The following HS6ST3 variants were observed in gnomAD, a reference collection of about 807,000 sequenced individuals.
HS6ST3 encodes the protein heparan-sulfate 6-O-sulfotransferase 3.
Under a neutral mutation model 36.7 loss-of-function variants are expected in HS6ST3, and 12 were observed. The ratio of observed to expected loss-of-function variants is 0.33; its 90% CI spans 0.21 to 0.53. The LOEUF is 0.53. Ranked by LOEUF, HS6ST3 falls within the 20% of genes least tolerant of loss-of-function variation. The pLI, the probability that HS6ST3 is intolerant of heterozygous loss-of-function variation, is 0.95. For missense variants in HS6ST3, 584 were observed against 640.9 expected, an observed-to-expected ratio of 0.91 and a Z score of 0.96; for synonymous variants, 240 against 257.5, an observed-to-expected ratio of 0.93 and a Z score of 0.65.
chr13:96,098,120 T>C (rs1216043507), intron 1 of HS6ST3, among the ~76,000 whole-genome samples: 1 of 152,206 alleles, frequency 6.6e-6, no homozygotes, highest in African/African-American at 2.4e-5. Context: ...CTTGTTGGAC[T>C]ATTGAGGAGG....
chr13:96,441,561 A>G (rs1360968390), intron 1 of HS6ST3, among the ~76,000 whole-genome samples: 1 of 152,226 alleles, frequency 6.6e-6, no homozygotes, highest in Non-Finnish European at 1.5e-5. Flanking sequence ...CTACAAAAAC[A>G]TGGAAAAAAC....
At chr13:96,771,584 A>G (rs1422392106) in intron 1 of HS6ST3, among the ~76,000 whole-genome samples, 1 of 152,164 alleles carries the variant, frequency 6.6e-6, no homozygotes, top group African/African-American at 2.4e-5. Context: ...CAGAATGGAG[A>G]AAGCAGATGT....
chr13:96,623,765 G>A (rs943395991), intron 1 of HS6ST3, among the ~76,000 whole-genome samples: 8 of 152,124 alleles, frequency 5.3e-5, no homozygotes, highest in East Asian at 1.9e-4. Context: ...CAGGGTGCCC[G>A]GGTGAGAGAT....
intron 1 of HS6ST3, among the ~76,000 whole-genome samples, chr13:96,771,142 G>T (rs1453879205): frequency 1.3e-5 from 2 of 151,896 alleles, no homozygotes. Context: ...AGGTCAACTG[G>T]TATTTCTAGT....
intron 1 of HS6ST3, among the ~76,000 whole-genome samples, chr13:96,789,071 CGTTT>C (rs1461773017): frequency 6.6e-6 from 1 of 151,314 alleles, no homozygotes; most frequent in African/African-American, 2.4e-5. Flanking sequence ...TTGCTTGTTC[CGTTT>C]GTTTTAATTC....
intron 1 of HS6ST3, among the ~76,000 whole-genome samples, chr13:96,783,513 A>G (rs555562765): frequency 2.0e-5 from 3 of 151,972 alleles, no homozygotes; most frequent in African/African-American, 7.2e-5. Context: ...TGAATCCTAC[A>G]ACTGATTACT....
At chr13:96,234,584 C>T (rs894800711) in intron 1 of HS6ST3, among the ~76,000 whole-genome samples, 15 of 152,144 alleles carry the variant, frequency 9.9e-5, no homozygotes, top group African/African-American at 3.1e-4. Flanking sequence ...TACATGGCAA[C>T]AGGCAAGAGA....
At chr13:96,495,130 G>C (rs953574290) in intron 1 of HS6ST3, among the ~76,000 whole-genome samples, 40 of 152,060 alleles carry the variant, frequency 2.6e-4, no homozygotes, top group African/African-American at 8.9e-4. Context: ...TCACTCTGAG[G>C]AAGGTTTTGT....
rs532506544 is a variant in HS6ST3, at chr13:96,135,594, A to G, written c.707+44025A>G. ...AATGGGTGGAATTTACAGGGATCCA[A>G]GTTTTTCTGTGTTTATGGAGAAAAA... On this transcript the variant is annotated intron_variant, in intron 1 of 1. Transcript: ENST00000376705. 3.3e-5 allele frequency among the ~76,000 whole-genome samples: 5 copies of G among 152,324 alleles called. No individual in the cohort carries two copies. The South Asian group carries it at 6.2e-4, about 19-fold the overall frequency.
chr13:96,153,772 A>G (rs1186610374), intron 1 of HS6ST3, among the ~76,000 whole-genome samples: 1 of 152,236 alleles, frequency 6.6e-6, no homozygotes, highest in African/African-American at 2.4e-5. Context: ...AGTGATGTCA[A>G]CCTTTATTAA....
At chr13:96,481,965 A>G (rs2055892104) in intron 1 of HS6ST3, among the ~76,000 whole-genome samples, 3 of 151,716 alleles carry the variant, frequency 2.0e-5, no homozygotes, top group Admixed American at 2.0e-4. Flanking sequence ...TCCTCTTCGC[A>G]ACGTGCTCAC....
rs1158321093 is a variant in HS6ST3, at chr13:96,532,304, A to G, written c.708-300186A>G. Reference sequence around the variant, plus strand: ...AATCCCTGCAACTGTACTTTGATATACATATTATTTTCCCGATGAGAAATA... The same window carrying G: ...AATCCCTGCAACTGTACTTTGATATGCATATTATTTTCCCGATGAGAAATA... On this transcript the variant is annotated intron_variant, in intron 1 of 1. Transcript: ENST00000376705. Among the ~76,000 whole-genome samples, 3 of 152,382 alleles carry G rather than the reference A, an allele frequency of 2.0e-5. No individual in the cohort carries two copies. In the East Asian group the frequency reaches 5.8e-4, roughly 29 times the overall value.
chr13:96,832,330 C>T (rs981096732), intron 1 of HS6ST3, among the ~76,000 whole-genome samples, 160 bp from the exon 2 acceptor site: 1 of 152,196 alleles, frequency 6.6e-6, no homozygotes, highest in African/African-American at 2.4e-5. Context: ...TTTATGGAAA[C>T]ATATGCACAT....
intron 1 of HS6ST3, among the ~76,000 whole-genome samples, chr13:96,331,452 G>A (rs577688027): frequency 9.2e-5 from 14 of 152,348 alleles, no homozygotes; most frequent in Middle Eastern, 6.8e-3. Flanking sequence ...TGAGGTGTCA[G>A]TGTGCCCCTG....
chr13:96,187,376 A>G (rs1490918724), intron 1 of HS6ST3, among the ~76,000 whole-genome samples: 1 of 152,152 alleles, frequency 6.6e-6, no homozygotes, highest in Non-Finnish European at 1.5e-5. Context: ...TGCCTATGCT[A>G]TTGCATTTAT....
intron 1 of HS6ST3, among the ~76,000 whole-genome samples, chr13:96,108,041 T>C (rs2053850015): frequency 6.6e-6 from 1 of 152,218 alleles, no homozygotes; most frequent in Admixed American, 6.5e-5. Context: ...AGGTAACCAT[T>C]AGGTCTGACT....
intron 1 of HS6ST3, among the ~76,000 whole-genome samples, chr13:96,484,573 T>C (rs2055905150): frequency 6.6e-6 from 1 of 152,194 alleles, no homozygotes; most frequent in African/African-American, 2.4e-5. Context: ...CTATTTTAGA[T>C]TTCACTGTAA....
At chr13:96,688,419 C>T (rs1009309260) in intron 1 of HS6ST3, among the ~76,000 whole-genome samples, 25 of 151,860 alleles carry the variant, frequency 1.6e-4, no homozygotes, top group Non-Finnish European at 2.9e-4. Flanking sequence ...GAGCTGGTGG[C>T]GTGAACAGGC....
intron 1 of HS6ST3, among the ~76,000 whole-genome samples, chr13:96,830,795 A>G (rs1185452133): frequency 6.6e-6 from 1 of 152,104 alleles, no homozygotes; most frequent in Admixed American, 6.6e-5. Flanking sequence ...TTTTCTCCCT[A>G]GGGGAGCTCT....
Sources: allele counts gnomAD v4.1 joint callset (sites outside exome capture counted in the v4.1 genomes callset), GRCh38; gene constraint gnomAD v4.1.1; transcripts MANE v1.5; gene names NCBI Gene and HGNC (gene_info 2026-07-23, HGNC 2026-07-21).